Variants in CCR5AS observed in about 807,000 individuals in gnomAD.
CCR5AS encodes the protein CCR5 antisense RNA.
Position 46,391,045 on chromosome 3 carries a change from A to C in CCR5AS, n.391+1780T>G, listed in dbSNP as rs538367491. On this transcript the variant is annotated intron_variant and non_coding_transcript_variant, in intron 2 of 3. Coordinates refer to ENST00000451485, the Ensembl canonical transcript of CCR5AS. ...TCAGTCTTCAGCTGCTAAGCTGAGA[A>C]GATCTGGGAAGGAGTCAGTCAGAGA... is the stretch of plus-strand genomic sequence containing the variant. Among the ~76,000 whole-genome samples, 690 of 152,356 alleles carry C rather than the reference A, an allele frequency of 4.5e-3. 4 individuals carry two copies. Among genetic ancestry groups the C allele is most frequent in the Admixed American group, 7.4e-3 (114 of 15,310 alleles).
intron 2 of CCR5AS, chr3:46,373,899 G>A (rs759745875): frequency 9.9e-6 from 16 of 1,609,196 alleles, no homozygotes; most frequent in Admixed American, 3.4e-5. Flanking sequence ...AGAGGCTCCC[G>A]AGCGAGCAAG....
chr3:46,377,003 T>C (rs1701767910), intron 2 of CCR5AS, among the ~76,000 whole-genome samples: 1 of 151,616 alleles, frequency 6.6e-6, no homozygotes, highest in Non-Finnish European at 1.5e-5. Context: ...GGGTAAAAGG[T>C]AGAATGAACC....
chr3:46,395,006 A>G (rs1701947655), intron 1 of CCR5AS, among the ~76,000 whole-genome samples: 1 of 152,092 alleles, frequency 6.6e-6, no homozygotes, highest in Non-Finnish European at 1.5e-5. Context: ...AGAAGGCAAG[A>G]ATGGAGGAGA....
At chr3:46,368,306 C>T (rs897347091) in intron 3 of CCR5AS, among the ~76,000 whole-genome samples, 19 of 152,340 alleles carry the variant, frequency 1.2e-4, no homozygotes, top group African/African-American at 4.3e-4. Context: ...AAAAAGAGAA[C>T]AAGAGCCATG....
chr3:46,382,937 G>C (rs1701828337), intron 2 of CCR5AS, among the ~76,000 whole-genome samples: 1 of 152,210 alleles, frequency 6.6e-6, no homozygotes, highest in African/African-American at 2.4e-5. Flanking sequence ...GGTTTGTTCA[G>C]AGGATAAATG....
chr3:46,406,149 T>C (rs1702044888), intron 1 of CCR5AS, among the ~76,000 whole-genome samples: 1 of 152,190 alleles, frequency 6.6e-6, no homozygotes, highest in Non-Finnish European at 1.5e-5. Flanking sequence ...TAGCTGGGGC[T>C]GTAGGAATGC....
At chr3:46,385,374 T>C (rs933265166) in intron 2 of CCR5AS, among the ~76,000 whole-genome samples, 2 of 152,160 alleles carry the variant, frequency 1.3e-5, no homozygotes, top group Non-Finnish European at 2.9e-5. Flanking sequence ...TTGAAATAGC[T>C]GCATAATCCA....
At chr3:46,378,657 C>T (rs1701784929) in intron 2 of CCR5AS, among the ~76,000 whole-genome samples, 1 of 152,194 alleles carries the variant, frequency 6.6e-6, no homozygotes, top group African/African-American at 2.4e-5. Flanking sequence ...TTTGTCTCTG[C>T]CGGCACCATC....
At chr3:46,402,523 C>T (rs1337629209) in intron 1 of CCR5AS, among the ~76,000 whole-genome samples, 2 of 152,132 alleles carry the variant, frequency 1.3e-5, no homozygotes, top group Non-Finnish European at 2.9e-5. Flanking sequence ...GAGATTATCA[C>T]TATCATAGTT....
intron 2 of CCR5AS, chr3:46,373,909 G>A: frequency 1.0e-5 from 16 of 1,606,488 alleles, no homozygotes; most frequent in Non-Finnish European, 1.4e-5. Flanking sequence ...GAGCGAGCAA[G>A]CTCAGTTTAC....
intron 2 of CCR5AS, among the ~76,000 whole-genome samples, chr3:46,377,386 T>C (rs1701772473): frequency 6.6e-6 from 1 of 152,202 alleles, no homozygotes; most frequent in South Asian, 2.1e-4. Flanking sequence ...AAAGAGGAGA[T>C]TGCATGCCAT....
At chr3:46,405,427 G>A (rs945259400) in intron 1 of CCR5AS, among the ~76,000 whole-genome samples, 4 of 152,134 alleles carry the variant, frequency 2.6e-5, no homozygotes, top group Admixed American at 1.3e-4. Flanking sequence ...TACTCCCAGC[G>A]TTTTGCAAGT....
At chr3:46,394,116 C>T (rs1701939340) in intron 1 of CCR5AS, among the ~76,000 whole-genome samples, 1 of 152,182 alleles carries the variant, frequency 6.6e-6, no homozygotes, top group East Asian at 1.9e-4. Context: ...CAGGAGACAT[C>T]AGTGTTATCT....
Position 46,370,466 on chromosome 3 carries a change from A to T in CCR5AS, n.565+778T>A, listed in dbSNP as rs551196542. 7.2e-5 allele frequency among the ~76,000 whole-genome samples: 11 copies of T among 152,330 alleles called. No individual in the cohort carries two copies. In the South Asian group the frequency reaches 2.3e-3, roughly 32 times the overall value. Reference sequence around the variant, plus strand: ...GGGACACAGGGTTAATGTGAAGTCCAGGATCCCCCTCTACATTTAAAGTTG... The same window carrying T: ...GGGACACAGGGTTAATGTGAAGTCCTGGATCCCCCTCTACATTTAAAGTTG... On this transcript the variant is annotated intron_variant and non_coding_transcript_variant, in intron 3 of 3. Coordinates refer to ENST00000451485, the Ensembl canonical transcript of CCR5AS.
chr3:46,397,942 G>A (rs918142517), intron 1 of CCR5AS, among the ~76,000 whole-genome samples: 1 of 152,212 alleles, frequency 6.6e-6, no homozygotes, highest in Non-Finnish European at 1.5e-5. Context: ...GCATCAAAAA[G>A]GCCATGTCCG....
chr3:46,400,148 C>T (rs1575288280), intron 1 of CCR5AS, among the ~76,000 whole-genome samples: 1 of 152,106 alleles, frequency 6.6e-6, no homozygotes, highest in East Asian at 1.9e-4. Flanking sequence ...CACACCACCA[C>T]TCCCAGCTAT....
intron 2 of CCR5AS, chr3:46,373,741 A>G (rs374495269): frequency 6.2e-6 from 10 of 1,613,820 alleles, no homozygotes; most frequent in Admixed American, 1.7e-5. Context: ...CAAGCTATGC[A>G]GGTGACAGAG....
At chr3:46,399,467 G>A (rs1701988402) in intron 1 of CCR5AS, among the ~76,000 whole-genome samples, 1 of 152,194 alleles carries the variant, frequency 6.6e-6, no homozygotes, top group African/African-American at 2.4e-5. Flanking sequence ...AAGAGGGGGA[G>A]AAGAGACAGT....
At chr3:46,367,576 T>C (rs928730793) in intron 3 of CCR5AS, among the ~76,000 whole-genome samples, 1 of 152,200 alleles carries the variant, frequency 6.6e-6, no homozygotes, top group Non-Finnish European at 1.5e-5. Flanking sequence ...ACATTTTGTT[T>C]GTTTGGTTTG....
Sources: allele counts gnomAD v4.1 joint callset (sites outside exome capture counted in the v4.1 genomes callset), GRCh38; gene constraint gnomAD v4.1.1; transcripts MANE v1.5; gene names NCBI Gene and HGNC (gene_info 2026-07-23, HGNC 2026-07-21).